Variants in ATF2 observed in about 807,000 individuals in gnomAD.
ATF2 encodes the protein cyclic AMP-dependent transcription factor ATF-2.
A neutral mutation model predicts 60.6 loss-of-function variants in ATF2; 24 were observed. The ratio of observed to expected loss-of-function variants is 0.40; its 90% CI spans 0.29 to 0.56. The LOEUF is 0.56. ATF2 is among the 20% of genes least tolerant of loss of function. The pLI, the probability that ATF2 is intolerant of heterozygous loss-of-function variation, is 0.54. For synonymous variants in ATF2, 206 were observed against 215.4 expected, an observed-to-expected ratio of 0.96 and a Z score of 0.38; for missense variants, 433 against 607.7, an observed-to-expected ratio of 0.71 and a Z score of 3.02.
chr2:175,121,995 C>T (rs918974725), intron 4 of ATF2, among the ~76,000 whole-genome samples: 21 of 151,736 alleles, frequency 1.4e-4, no homozygotes, highest in African/African-American at 5.1e-4. Flanking sequence ...AAGTATTACG[C>T]CTGGACAAAA....
intron 12 of ATF2, among the ~76,000 whole-genome samples, chr2:175,091,127 C>T (rs552554893): frequency 1.3e-5 from 2 of 152,226 alleles, no homozygotes; most frequent in South Asian, 4.1e-4. Context: ...TTTTCAGGTA[C>T]TTTTACTTCT....
Position 175,074,371 on chromosome 2 carries a change from AAATT to A in ATF2, c.*234_*237del, listed in dbSNP as rs1574293213. On this transcript the variant is annotated 3_prime_UTR_variant, in exon 14 of 14. Transcript: ENST00000264110. Reference sequence around the variant, plus strand: ...TACAATTTACACATTGAGCACAGAAAAATTAATAAATCTAATAATATTTATAAAA... The same window carrying A: ...TACAATTTACACATTGAGCACAGAAAAATAAATCTAATAATATTTATAAAA... The A allele has an allele frequency of 3.2e-6, 1 of 309,732 alleles. No homozygotes were observed. Among genetic ancestry groups the A allele is most frequent in the South Asian group, 6.9e-5 (1 of 14,576 alleles). The allele number at this position is 309,732 out of a possible 1,614,324, so 19.2% of individuals were successfully genotyped here.
At chr2:175,156,774 A>G (rs1174159182) in intron 1 of ATF2, among the ~76,000 whole-genome samples, 1 of 152,214 alleles carries the variant, frequency 6.6e-6, no homozygotes, top group East Asian at 1.9e-4. Flanking sequence ...TAAGTCCCTA[A>G]GCTGAGGACT....
intron 13 of ATF2, among the ~76,000 whole-genome samples, chr2:175,079,210 T>A (rs759457300): frequency 6.6e-6 from 1 of 152,210 alleles, no homozygotes; most frequent in Non-Finnish European, 1.5e-5. Context: ...CTGTTGGGAT[T>A]ATCTAATAAA....
chr2:175,144,622 C>T (rs540539457), intron 2 of ATF2, among the ~76,000 whole-genome samples: 5 of 152,254 alleles, frequency 3.3e-5, no homozygotes, highest in South Asian at 2.1e-4. Context: ...TGAGGGCAGC[C>T]CACTGCAGTG....
At chr2:175,128,034 C>T (rs1697461765) in intron 4 of ATF2, among the ~76,000 whole-genome samples, 1 of 152,102 alleles carries the variant, frequency 6.6e-6, no homozygotes, top group African/African-American at 2.4e-5. Flanking sequence ...TGGTGTGGTA[C>T]TAGCATAAAA....
At chr2:175,132,620 T>C (rs1697816262) in intron 3 of ATF2, 1 of 152,208 alleles carries the variant, frequency 6.6e-6, no homozygotes, top group Non-Finnish European at 1.5e-5. Context: ...TGGGTCATGT[T>C]AATTCTTTTC....
rs374519471 is a variant in ATF2 at position 175,080,649 on chromosome 2, A to C, written c.1291+11T>G. On this transcript the variant is annotated intron_variant, in intron 13 of 13. Coordinates refer to ENST00000264110, the MANE Select transcript of ATF2 (RefSeq NM_001880.4). ...GTAGCCTAAGGCTATAGGTAATGGA[A>C]CATTACTCACTATGATAGCCAGATT... 1.9e-6 allele frequency: 3 copies of C among 1,605,360 alleles called. No individual in the cohort carries two copies. The highest frequency in any genetic ancestry group is 1.7e-6 in the Non-Finnish European group (2 of 1,172,568).
intron 4 of ATF2, among the ~76,000 whole-genome samples, chr2:175,125,278 A>T (rs867103754): frequency 2.6e-5 from 4 of 152,096 alleles, no homozygotes; most frequent in Middle Eastern, 3.2e-3. Context: ...TTCCTAGGAA[A>T]TATTATATAA....
chr2:175,120,092 T>G (rs1029212724), intron 5 of ATF2, among the ~76,000 whole-genome samples: 3 of 151,748 alleles, frequency 2.0e-5, no homozygotes, highest in Admixed American at 6.6e-5. Context: ...GCATTAAATG[T>G]GATCAGACAG....
rs188130899 is a variant in ATF2 at position 175,163,877 on chromosome 2, C to T, written c.-143+4173G>A. Reference sequence around the variant, plus strand: ...GGCAGAGGTTACAATGAGCTGAGAGCGGCACTGCACTCCAGCCTGGGTGAC... The same window carrying T: ...GGCAGAGGTTACAATGAGCTGAGAGTGGCACTGCACTCCAGCCTGGGTGAC... On this transcript the variant is annotated intron_variant, in intron 1 of 13. Transcript: ENST00000264110. Among the ~76,000 whole-genome samples, 796 of 129,604 alleles carry T rather than the reference C, an allele frequency of 6.1e-3. 6 individuals are homozygous for T. The highest frequency in any genetic ancestry group is 0.023 in the African/African-American group (761 of 33,658). The allele number at this position is 129,604 out of a possible 152,430, so 85.0% of individuals were successfully genotyped here.
Position 175,080,802 on chromosome 2 carries a change from T to C in ATF2, c.1186-37A>G. On this transcript the variant is annotated intron_variant, in intron 12 of 13. Coordinates refer to ENST00000264110, the MANE Select transcript of ATF2 (RefSeq NM_001880.4). ...ACAACTTATGTACCTTACCACAGAC[T>C]AAACATATTTTTTACTATTTAAAAC... 3 of 1,499,474 alleles carry C rather than the reference T, an allele frequency of 2.0e-6. No homozygotes were observed. The South Asian group carries it at 3.5e-5, about 18-fold the overall frequency. The allele number at this position is 1,499,474 out of a possible 1,614,324, so 92.9% of individuals were successfully genotyped here. A position where few individuals can be genotyped will look rare whatever the true frequency, so the allele number is the denominator to read the frequency against.
chr2:175,080,525 TA>T, intron 13 of ATF2, 134 bp downstream of exon 13: 1 of 659,942 alleles, frequency 1.5e-6, no homozygotes, highest in Non-Finnish European at 2.5e-6. Flanking sequence ...CATTCTATAA[TA>T]ACCTTACAGA....
Position 175,074,488 on chromosome 2 carries a change from T to C in ATF2, c.*121A>G. ...ACACCAACTTTAGAGCCAAATTTAA[T>C]TTCAAGTAAAAAAAAAAAATTTACA... On this transcript the variant is annotated 3_prime_UTR_variant, in exon 14 of 14. Coordinates refer to ENST00000264110, the MANE Select transcript of ATF2 (RefSeq NM_001880.4). 3.9e-6 allele frequency: 5 copies of C among 1,293,116 alleles called. No homozygotes were observed. Among genetic ancestry groups the C allele is most frequent in the Non-Finnish European group, 5.2e-6 (5 of 962,186 alleles). The allele number at this position is 1,293,116 out of a possible 1,614,324, so 80.1% of individuals were successfully genotyped here.
Position 175,104,847 on chromosome 2 carries a change from C to T in ATF2, c.828+6721G>A, listed in dbSNP as rs192492273. ...GTATAATCTAATCTAACTTGCCAAGCGGAATAACACGTTACCCTTGGACTT... is the reference window on the plus strand; with the variant it reads ...GTATAATCTAATCTAACTTGCCAAGTGGAATAACACGTTACCCTTGGACTT... On this transcript the variant is annotated intron_variant, in intron 10 of 13. Coordinates refer to ENST00000264110, the MANE Select transcript of ATF2 (RefSeq NM_001880.4). Among the ~76,000 whole-genome samples the T allele has an allele frequency of 1.1e-3, 173 of 152,170 alleles. 1 individual carries two copies. The highest frequency in any genetic ancestry group is 3.7e-3 in the African/African-American group (155 of 41,510).
chr2:175,118,453 G>C, intron 5 of ATF2, 84 bp from the exon 6 acceptor site: 1 of 1,123,880 alleles, frequency 8.9e-7, no homozygotes, highest in Middle Eastern at 2.6e-4. Flanking sequence ...CAAATTAGCA[G>C]GACTGGTTCA....
intron 1 of ATF2, among the ~76,000 whole-genome samples, chr2:175,159,594 A>G (rs1699893151): frequency 6.6e-6 from 1 of 152,214 alleles, no homozygotes; most frequent in African/African-American, 2.4e-5. Context: ...AGTATCACAA[A>G]CTTCTCCAGA....
chr2:175,074,666 A>C lies in ATF2; in HGVS notation c.1461T>G (p.Pro487=), dbSNP rs1693161620. 3 of 1,613,334 alleles carry C rather than the reference A, an allele frequency of 1.9e-6. No individual in the cohort carries two copies. Among genetic ancestry groups the C allele is most frequent in the Non-Finnish European group, 2.5e-6 (3 of 1,179,628 alleles). ...LTQMADQSTE[P]ALSQIVMAPS... ...GAGCCATAACGATCTGTGAAAGAGCAGGCTCTGTACTCTGGTCCGCCATCT... is the reference window on the plus strand; with the variant it reads ...GAGCCATAACGATCTGTGAAAGAGCCGGCTCTGTACTCTGGTCCGCCATCT... Residue 487 remains proline, a synonymous_variant, in exon 14 of 14, where the codon CCT becomes CCG. Coordinates refer to ENST00000264110, the MANE Select transcript of ATF2 (RefSeq NM_001880.4).
At chr2:175,142,177 T>C (rs1343971169) in intron 2 of ATF2, among the ~76,000 whole-genome samples, 1 of 148,046 alleles carries the variant, frequency 6.8e-6, no homozygotes, top group Non-Finnish European at 1.5e-5. Context: ...CTCTTTCCAG[T>C]TTTCTTTTCT....
Sources: allele counts gnomAD v4.1 joint callset (sites outside exome capture counted in the v4.1 genomes callset), GRCh38; gene constraint gnomAD v4.1.1; transcripts MANE v1.5; gene names NCBI Gene and HGNC (gene_info 2026-07-23, HGNC 2026-07-21).